Variants in ZC3H15 observed in about 807,000 individuals in gnomAD.
ZC3H15 encodes zinc finger CCCH-type containing 15, also known as zinc finger CCCH domain-containing protein 15.
ZC3H15 carries 15 observed loss-of-function variants against 51.2 expected under a neutral mutation model. The ratio of observed to expected loss-of-function variants is 0.29; its 90% confidence interval spans 0.20 to 0.45. The LOEUF (loss-of-function observed/expected upper bound fraction) is 0.45. Among genes scored for constraint, ZC3H15 ranks in the 20% least tolerant of loss-of-function variants. The pLI is 1.00. For synonymous variants in ZC3H15, 144 were observed against 162.8 expected (o/e 0.88, Z 0.88); for missense variants, 381 against 494.7 (o/e 0.77, Z 2.18).
intron 1 of ZC3H15, 105 bp downstream of exon 1, chr2:186,486,562 C>T: frequency 7.7e-7 from 1 of 1,291,266 alleles, no homozygotes; most frequent in Non-Finnish European, 1.1e-6. Flanking sequence ...GCCACGTGTT[C>T]CTCCCTTAGG....
At chr2:186,501,000 T>C (rs1282756764) in intron 3 of ZC3H15, among the ~76,000 whole-genome samples, 1 of 152,172 alleles carries the variant, frequency 6.6e-6, no homozygotes, top group East Asian at 1.9e-4. Context: ...CCTATTGACA[T>C]CAACTAGACA....
chr2:186,504,236 C>G (rs1159695642), intron 6 of ZC3H15, 22 bp downstream of exon 6: 1 of 1,524,118 alleles, frequency 6.6e-7, no homozygotes, highest in Admixed American at 2.1e-5. Context: ...CCTTTTCCTA[C>G]CATAAAAACT....
At chr2:186,501,145 A>C in intron 3 of ZC3H15, 128 bp from the exon 4 acceptor site, 1 of 883,792 alleles carries the variant, frequency 1.1e-6, no homozygotes, top group African/African-American at 1.7e-5. Flanking sequence ...AATCACCCAT[A>C]AGTGCCGTTT....
At chr2:186,489,296 A>C (rs1458582976) in intron 1 of ZC3H15, among the ~76,000 whole-genome samples, 2 of 152,226 alleles carry the variant, frequency 1.3e-5, no homozygotes, top group Non-Finnish European at 2.9e-5. Context: ...TTGTGAAATT[A>C]GATTTATAGA....
intron 1 of ZC3H15, among the ~76,000 whole-genome samples, chr2:186,493,843 C>T (rs1414649000): frequency 6.7e-6 from 1 of 149,490 alleles, no homozygotes; most frequent in Non-Finnish European, 1.5e-5. Context: ...CTTATTAAGG[C>T]ACCAGTTATT....
intron 1 of ZC3H15, among the ~76,000 whole-genome samples, chr2:186,489,705 GA>G (rs1685163680): frequency 6.6e-6 from 1 of 152,114 alleles, no homozygotes; most frequent in Admixed American, 6.5e-5. Context: ...CTTCACTGTG[GA>G]AAAATCAACA....
At chr2:186,501,521 A>T in intron 4 of ZC3H15, 96 bp downstream of exon 4, 4 of 1,051,250 alleles carry the variant, frequency 3.8e-6, no homozygotes, top group Non-Finnish European at 5.3e-6. Context: ...TTCAATCTTA[A>T]TAGACTGTTT....
At chr2:186,499,750 G>T (rs565206923) in intron 2 of ZC3H15, 1 of 357,482 alleles carries the variant, frequency 2.8e-6, no homozygotes, top group Admixed American at 4.1e-5. Flanking sequence ...ACCTAACCCA[G>T]TGTTTTTCCA....
chr2:186,508,991 C>T lies in ZC3H15; in HGVS notation c.*258C>T. On this transcript the variant is annotated 3_prime_UTR_variant, in exon 10 of 10. Coordinates refer to ENST00000337859, the MANE Select transcript of ZC3H15 (RefSeq NM_018471.3). ...AGAAAATGATTGATGTTGTAACTGT[C>T]CACCCAAGTAAGAAGTGTATCTGCC... 1 of 573,230 alleles carries T rather than the reference C, an allele frequency of 1.7e-6. No individual in the cohort carries two copies. Among genetic ancestry groups the T allele is most frequent in the South Asian group, 1.5e-5 (1 of 65,100 alleles). 35.5% of individuals were successfully genotyped at this position (573,230 alleles called of 1,614,324 possible).
In ZC3H15 at chr2:186,508,999, G is replaced by C. The variant is rs1685512126; in HGVS notation, c.*266G>C. 3.6e-6 allele frequency: 2 copies of C among 556,200 alleles called. No homozygotes were observed. Among genetic ancestry groups the C allele is most frequent in the Non-Finnish European group, 6.8e-6 (2 of 293,430 alleles). 34.5% of individuals were successfully genotyped at this position (556,200 alleles called of 1,614,324 possible). ...ATTGATGTTGTAACTGTCCACCCAAGTAAGAAGTGTATCTGCCTTTCCATC... is the reference window on the plus strand; with the variant it reads ...ATTGATGTTGTAACTGTCCACCCAACTAAGAAGTGTATCTGCCTTTCCATC... On this transcript the variant is annotated 3_prime_UTR_variant, in exon 10 of 10. Transcript: ENST00000337859.
At chr2:186,506,658 G>A (rs372789447) in intron 8 of ZC3H15, 55 bp from the exon 9 acceptor site, 82 of 1,552,374 alleles carry the variant, frequency 5.3e-5, no homozygotes, top group East Asian at 9.1e-5. Flanking sequence ...AATGTCAGGA[G>A]TAAAAGAAAA....
At chr2:186,493,284 G>C (rs1685228353) in intron 1 of ZC3H15, among the ~76,000 whole-genome samples, 1 of 152,138 alleles carries the variant, frequency 6.6e-6, no homozygotes, top group Non-Finnish European at 1.5e-5. Flanking sequence ...TTGGAGGTGG[G>C]AGGTGGCAGA....
chr2:186,499,807 T>G, intron 2 of ZC3H15: 1 of 338,236 alleles, frequency 3.0e-6, no homozygotes, highest in Non-Finnish European at 5.7e-6. Flanking sequence ...CATTATCATG[T>G]GGGACTGTAC....
chr2:186,507,991 GGCA>G (rs772405268), intron 9 of ZC3H15, among the ~76,000 whole-genome samples: 35 of 152,230 alleles, frequency 2.3e-4, no homozygotes, highest in Non-Finnish European at 3.1e-4. Context: ...AACAAGAAAA[GGCA>G]GCATTTTTTT....
chr2:186,486,431 C>CA lies in ZC3H15; in HGVS notation c.56dup (p.Lys20GlufsTer15). The CA allele has an allele frequency of 1.3e-6, 2 of 1,568,424 alleles. No homozygotes were observed. The highest frequency in any genetic ancestry group is 1.8e-5 in the Admixed American group (1 of 54,152). ...GGCCGGGGGCAGCAAAAAGGCGGAGCAAAAAAAGAAGGAGAAGATTATCGA... is the reference window on the plus strand; with the variant it reads ...GGCCGGGGGCAGCAAAAAGGCGGAGCAAAAAAAAGAAGGAGAAGATTATCGA... On this transcript the variant is annotated frameshift_variant, in exon 1 of 10. Coordinates refer to ENST00000337859, the MANE Select transcript of ZC3H15 (RefSeq NM_018471.3). LOFTEE classifies it high-confidence loss of function.
chr2:186,496,406 C>T (rs376366017), intron 2 of ZC3H15, among the ~76,000 whole-genome samples: 9 of 152,106 alleles, frequency 5.9e-5, no homozygotes, highest in Admixed American at 1.3e-4. Flanking sequence ...TTTGTAGAGA[C>T]GGGATTTCGC....
chr2:186,506,079 G>A (rs1326098244), intron 8 of ZC3H15: 1 of 588,302 alleles, frequency 1.7e-6, no homozygotes, highest in African/African-American at 1.9e-5. Context: ...TCTTTATACA[G>A]CTTAGGACAG....
intron 8 of ZC3H15, among the ~76,000 whole-genome samples, chr2:186,506,361 A>G (rs924607268): frequency 7.2e-5 from 11 of 152,344 alleles, no homozygotes; most frequent in Non-Finnish European, 1.2e-4. Flanking sequence ...ATTGTACTCT[A>G]TATATAAAAA....
Position 186,486,293 on chromosome 2 carries a change from C to A in ZC3H15, c.-90C>A. ...TTCCGTGCGGTGCGGCGAGTGAGGC[C>A]CCGGTCTTCCTCCTCGTCCTGCCGC... On this transcript the variant is annotated 5_prime_UTR_variant, in exon 1 of 10. Coordinates refer to ENST00000337859, the MANE Select transcript of ZC3H15 (RefSeq NM_018471.3). 1 of 1,330,854 alleles carries A rather than the reference C, an allele frequency of 7.5e-7. No individual in the cohort carries two copies. Among genetic ancestry groups the A allele is most frequent in the Non-Finnish European group, 9.9e-7 (1 of 1,015,022 alleles). 82.4% of individuals were successfully genotyped at this position (1,330,854 alleles called of 1,614,324 possible).
Sources: gnomAD v4.1 joint callset for allele counts (sites outside exome capture counted in the v4.1 genomes callset) on GRCh38, gnomAD v4.1.1 for gene constraint, MANE v1.5 for transcripts, NCBI Gene and HGNC (gene_info 2026-07-23, HGNC 2026-07-21) for gene names.